The following ZNF804B variants were observed in gnomAD, a reference collection of about 807,000 sequenced individuals.
The protein encoded by ZNF804B is zinc finger protein 804B, also known as zinc finger 804B.
ZNF804B carries 80 observed loss-of-function variants against 101.4 expected under a neutral mutation model. The observed-to-expected ratio is 0.79, with a 90% CI of 0.66 to 0.95. ZNF804B has a LOEUF of 0.95. Among genes scored for constraint, ZNF804B ranks in the 40% least tolerant of loss-of-function variants. The pLI, the probability that ZNF804B is intolerant of heterozygous loss-of-function variation, is 0.00. For missense variants in ZNF804B, 1,673 were observed against 1,561.9 expected, an observed-to-expected ratio of 1.07 and a Z score of -1.20; for synonymous variants, 622 against 558.8, an observed-to-expected ratio of 1.11 and a Z score of -1.59.
chr7:88,927,078 T>C (rs891826306), intron 1 of ZNF804B, among the ~76,000 whole-genome samples: 49 of 152,236 alleles, frequency 3.2e-4, no homozygotes, highest in African/African-American at 1.2e-3. Context: ...GAAATGTTCC[T>C]GTATTCCCAA....
intron 1 of ZNF804B, among the ~76,000 whole-genome samples, chr7:89,112,229 T>TAGGAG (rs1790228509): frequency 1.3e-5 from 2 of 152,214 alleles, no homozygotes; most frequent in Admixed American, 1.3e-4. Context: ...TAAGCTATCT[T>TAGGAG]ATAAAACTTT....
At chr7:89,230,850 C>T (rs927140238) in intron 2 of ZNF804B, among the ~76,000 whole-genome samples, 15 of 151,972 alleles carry the variant, frequency 9.9e-5, no homozygotes, top group Non-Finnish European at 1.9e-4. Context: ...TAATAATATG[C>T]AACATATTTT....
intron 1 of ZNF804B, among the ~76,000 whole-genome samples, chr7:89,038,764 T>C (rs1236287076): frequency 1.3e-5 from 2 of 152,140 alleles, no homozygotes; most frequent in Non-Finnish European, 2.9e-5. Flanking sequence ...TCCCCTATGT[T>C]GTCTTCTAGA....
At chr7:89,176,693 T>G (rs1201932854) in intron 1 of ZNF804B, among the ~76,000 whole-genome samples, 1 of 151,422 alleles carries the variant, frequency 6.6e-6, no homozygotes, top group African/African-American at 2.4e-5. Flanking sequence ...CTCTATTTTT[T>G]GGAATAGTTT....
intron 2 of ZNF804B, among the ~76,000 whole-genome samples, chr7:89,229,133 G>A (rs1414402896): frequency 1.3e-5 from 2 of 152,200 alleles, no homozygotes; most frequent in Non-Finnish European, 2.9e-5. Flanking sequence ...CGCAAGCTGA[G>A]GGACCCAGCT....
At chr7:88,840,283 A>G (rs977827630) in intron 1 of ZNF804B, among the ~76,000 whole-genome samples, 2 of 152,044 alleles carry the variant, frequency 1.3e-5, no homozygotes, top group Non-Finnish European at 2.9e-5. Flanking sequence ...CTTTCTAATG[A>G]TCATCATCAT....
chr7:89,231,943 G>T (rs1328817114), intron 2 of ZNF804B, among the ~76,000 whole-genome samples: 1 of 152,024 alleles, frequency 6.6e-6, no homozygotes, highest in Non-Finnish European at 1.5e-5. Flanking sequence ...TTCTTGCACA[G>T]AATTCCAATG....
rs1392287496 is a variant in ZNF804B, at chr7:89,136,754, T to C, written c.109-81401T>C. 4.4e-5 allele frequency among the ~76,000 whole-genome samples: 6 copies of C among 136,804 alleles called. No homozygotes were observed. In the East Asian group the frequency reaches 8.0e-4, roughly 18 times the overall value. 89.7% of individuals were successfully genotyped at this position (136,804 alleles called of 152,430 possible). ...GTGTGTGAGTGTGTGTGTGTGTGTG[T>C]GTGTGTGTGTGCGCGCACGTGTGTG... On this transcript the variant is annotated intron_variant, in intron 1 of 3. Transcript: ENST00000333190.
intron 3 of ZNF804B, among the ~76,000 whole-genome samples, chr7:89,330,538 C>A (rs1482516704): frequency 6.6e-6 from 1 of 151,268 alleles, no homozygotes; most frequent in Admixed American, 6.6e-5. Flanking sequence ...TGTTATAATA[C>A]CCAAACTTGT....
chr7:89,080,242 A>G (rs935721765), intron 1 of ZNF804B, among the ~76,000 whole-genome samples: 3 of 151,694 alleles, frequency 2.0e-5, no homozygotes, highest in African/African-American at 7.3e-5. Context: ...TTGCAAGACT[A>G]TTGTGTTTTT....
chr7:89,053,439 GA>G (rs957274265), intron 1 of ZNF804B, among the ~76,000 whole-genome samples: 8 of 151,998 alleles, frequency 5.3e-5, no homozygotes. Context: ...AGACTTGTGT[GA>G]ATTTTTTCTT....
At chr7:88,776,619 G>T (rs1586898227) in intron 1 of ZNF804B, among the ~76,000 whole-genome samples, 1 of 114,156 alleles carries the variant, frequency 8.8e-6, no homozygotes. Context: ...TTGTTTTCAT[G>T]AACTTGCTGC....
At position 88,943,753 on chromosome 7, in the gene ZNF804B, AGTTAGCCCCT is replaced by A. The variant is rs1793088837; in HGVS notation, c.108+183671_108+183680del. On this transcript the variant is annotated intron_variant, in intron 1 of 3. Coordinates refer to ENST00000333190, the MANE Select transcript of ZNF804B (RefSeq NM_181646.5). The stretch of plus-strand genomic sequence containing the variant: ...TCTGTGTTTTCAATCTCCTCCCCAA[AGTTAGCCCCT>A]GGAAAACACAGATCTGATTTCTGCA... 2.6e-5 allele frequency among the ~76,000 whole-genome samples: 4 copies of A among 151,968 alleles called. No homozygotes were observed. In the South Asian group the frequency reaches 8.3e-4, roughly 31 times the overall value.
At chr7:88,800,105 A>C (rs1056972000) in intron 1 of ZNF804B, among the ~76,000 whole-genome samples, 1 of 152,130 alleles carries the variant, frequency 6.6e-6, no homozygotes, top group African/African-American at 2.4e-5. Context: ...GATCAGCCAA[A>C]GAGAACTAAT....
At chr7:89,090,814 A>G (rs1026932519) in intron 1 of ZNF804B, among the ~76,000 whole-genome samples, 2 of 152,092 alleles carry the variant, frequency 1.3e-5, no homozygotes, top group Non-Finnish European at 1.5e-5. Context: ...AGGCACATGT[A>G]TGCAAGTAAA....
At chr7:89,321,624 G>GA (rs1224366897) in intron 2 of ZNF804B, among the ~76,000 whole-genome samples, 2 of 151,622 alleles carry the variant, frequency 1.3e-5, no homozygotes, top group South Asian at 2.1e-4. Flanking sequence ...AAAGCATATA[G>GA]AAAAAAGAGA....
At chr7:89,040,195 C>T (rs934683355) in intron 1 of ZNF804B, among the ~76,000 whole-genome samples, 1 of 151,864 alleles carries the variant, frequency 6.6e-6, no homozygotes, top group African/African-American at 2.4e-5. Context: ...TTTTTCATCT[C>T]ATAAATCTCT....
At chr7:89,124,300 G>A (rs7803285) in intron 1 of ZNF804B, among the ~76,000 whole-genome samples, 50,081 of 151,958 alleles carry the variant, frequency 0.33, 8,528 homozygotes, top group East Asian at 0.59. Context: ...ATAATTCTCA[G>A]TCTAGCTTTG....
chr7:88,858,504 A>G (rs1226662925), intron 1 of ZNF804B, among the ~76,000 whole-genome samples: 2 of 152,166 alleles, frequency 1.3e-5, no homozygotes, highest in Admixed American at 1.3e-4. Context: ...AGAATGGGGC[A>G]TGCAATAGAA....
Sources: gnomAD v4.1 joint callset for allele counts (sites outside exome capture counted in the v4.1 genomes callset) on GRCh38, gnomAD v4.1.1 for gene constraint, MANE v1.5 for transcripts, NCBI Gene and HGNC (gene_info 2026-07-23, HGNC 2026-07-21) for gene names.